TRPM1: variants seen among roughly 807,000 people sequenced by gnomAD.
TRPM1 encodes transient receptor potential cation channel subfamily M member 1, also known as TRPM1-203 APA Isoform, Intron 10.
A neutral mutation model predicts 149.4 loss-of-function variants in TRPM1; 113 were observed. The observed-to-expected ratio is 0.76, with a 90% CI of 0.65 to 0.88. The LOEUF (loss-of-function observed/expected upper bound fraction) is 0.88. Ranked by LOEUF, TRPM1 falls within the 40% of genes least tolerant of loss-of-function variation. The pLI is 0.00. For missense variants in TRPM1, 1,976 were observed against 2,038.7 expected, an observed-to-expected ratio of 0.97 and a Z score of 0.59; for synonymous variants, 741 against 759.5, an observed-to-expected ratio of 0.98 and a Z score of 0.40.
chr15:31,142,169 C>T (rs943609089), intron 1 of TRPM1, among the ~76,000 whole-genome samples: 2 of 152,034 alleles, frequency 1.3e-5, no homozygotes, highest in African/African-American at 4.8e-5. Flanking sequence ...TTTTGAAATT[C>T]TTTGTAAAAG....
chr15:31,125,721 C>A, intron 1 of TRPM1, among the ~76,000 whole-genome samples: 3 of 78,166 alleles, frequency 3.8e-5, no homozygotes, highest in African/African-American at 5.6e-5. Flanking sequence ...CAGAGCGAGA[C>A]TCCGTCTCAA....
chr15:31,038,091 T>C lies in TRPM1; in HGVS notation c.2392A>G (p.Thr798Ala). 6.2e-7 allele frequency: 1 copy of C among 1,614,178 alleles called. No homozygotes were observed. The highest frequency in any genetic ancestry group is 8.5e-7 in the Non-Finnish European group (1 of 1,179,992). The change falls in exon 19 of 28, where the codon ACA becomes GCA. Residue 798 changes from threonine (T) to alanine (A), a missense_variant. Physicochemically the swap from Thr to Ala is moderately conservative, Grantham distance 58. Around this residue, in one of 3 missense-constraint regions of TRPM1, gnomAD observed 1,332 missense variants for 1,347.1 expected, o/e 0.99. Coordinates refer to ENST00000256552, the MANE Select transcript of TRPM1 (RefSeq NM_001252024.2). ...TTGCCATCCTCATTTTCCTTGGATG[T>C]TTGATACGAGAAATCATCATATGTG... ...FRTYDDFSYQ[T>A]SKENEDGKEK...
At chr15:31,137,080 A>G (rs1475145509) in intron 1 of TRPM1, among the ~76,000 whole-genome samples, 10 of 152,158 alleles carry the variant, frequency 6.6e-5, no homozygotes. Context: ...TATTTTTGGC[A>G]TTTGGAGTAC....
At position 31,002,651 on chromosome 15, in the gene TRPM1, A is replaced by G. The variant is rs1357401529; in HGVS notation, c.4049T>C (p.Leu1350Pro). The G allele has an allele frequency of 1.2e-6, 2 of 1,614,182 alleles. No individual in the cohort carries two copies. The highest frequency in any genetic ancestry group is 2.7e-5 in the African/African-American group (2 of 75,040). ...TGGGGTTGCTGATGTGCTTGTGCCC[A>G]GTGAAAGGTGAAGACTGTTCTGACA... ...PECQNSLHLS[L>P]GTSTSATPDG... is the part of the protein sequence containing the mutation. The change falls in exon 28 of 28, where the codon CTG becomes CCG. Residue 1350 changes from leucine (L) to proline (P), a missense_variant. Physicochemically the swap from Leu to Pro is moderately conservative, Grantham distance 98 (BLOSUM62 -3). Around this residue, in one of 3 missense-constraint regions of TRPM1, gnomAD observed 572 missense variants for 578.9 expected, o/e 0.99. Coordinates refer to ENST00000256552, the MANE Select transcript of TRPM1 (RefSeq NM_001252024.2).
At chr15:31,156,208 A>AG (rs1437089207) in intron 1 of TRPM1, among the ~76,000 whole-genome samples, 1 of 151,030 alleles carries the variant, frequency 6.6e-6, no homozygotes, top group Non-Finnish European at 1.5e-5. Flanking sequence ...AAAAAAAAAA[A>AG]AAAAAAAAAA....
chr15:31,079,567 T>C (rs1023144234), intron 2 of TRPM1, among the ~76,000 whole-genome samples: 4 of 152,232 alleles, frequency 2.6e-5, no homozygotes, highest in Non-Finnish European at 2.9e-5. Context: ...TAACCTGGTG[T>C]CCAAAGTGAC....
At chr15:31,148,808 G>A (rs1425143811) in intron 1 of TRPM1, among the ~76,000 whole-genome samples, 1 of 152,198 alleles carries the variant, frequency 6.6e-6, no homozygotes, top group Non-Finnish European at 1.5e-5. Context: ...CCAGCACACA[G>A]ACACCACCCC....
At chr15:31,047,838 T>G (rs1596015846) in intron 14 of TRPM1, 51 bp downstream of exon 14, 1 of 1,459,104 alleles carries the variant, frequency 6.9e-7, no homozygotes, top group African/African-American at 1.4e-5. Context: ...TCTTAAGAAA[T>G]GATTTTGTGA....
intron 24 of TRPM1, 133 bp from the exon 25 acceptor site, chr15:31,028,609 C>A: frequency 2.5e-6 from 3 of 1,208,234 alleles, no homozygotes; most frequent in Non-Finnish European, 3.5e-6. Context: ...ATATTTTTTC[C>A]ATGGGAAAAA....
At chr15:31,048,648 C>T (rs761144653) in intron 13 of TRPM1, among the ~76,000 whole-genome samples, 11 of 151,990 alleles carry the variant, frequency 7.2e-5, no homozygotes, top group Non-Finnish European at 1.0e-4. Flanking sequence ...CCTGTCTCTA[C>T]AAAATTTTTA....
intron 22 of TRPM1, among the ~76,000 whole-genome samples, chr15:31,031,552 G>A (rs1280130062): frequency 6.6e-6 from 1 of 152,162 alleles, no homozygotes; most frequent in Non-Finnish European, 1.5e-5. Flanking sequence ...TGAATTGAGA[G>A]TATAGACCAA....
rs1566996083 is a variant in TRPM1, at chr15:31,026,192, C to T, written c.3576G>A (p.Lys1192=). 6.2e-7 allele frequency: 1 copy of T among 1,612,522 alleles called. No individual in the cohort carries two copies. Among genetic ancestry groups the T allele is most frequent in the Non-Finnish European group, 8.5e-7 (1 of 1,180,032 alleles). ...EQCVQEHFRE[K]EDEQQSSSDE... ...CGCTGGACGACTGCTGCTCATCCTC[C>T]TTCTCCCGGAAGTGCTCCTGCACGC... is the stretch of plus-strand genomic sequence containing the variant. The change falls in exon 27 of 28, where the codon AAG becomes AAA. Residue 1192 remains lysine (K), a synonymous_variant. Transcript: ENST00000256552.
chr15:31,088,711 A>C (rs144356873), intron 1 of TRPM1, among the ~76,000 whole-genome samples: 1 of 151,600 alleles, frequency 6.6e-6, no homozygotes, highest in East Asian at 1.9e-4. Flanking sequence ...GGGCCGTCGT[A>C]TGAGATTGAC....
At chr15:31,005,855 C>T (rs1244592039) in intron 27 of TRPM1, among the ~76,000 whole-genome samples, 1 of 152,112 alleles carries the variant, frequency 6.6e-6, no homozygotes, top group Non-Finnish European at 1.5e-5. Context: ...ACCTTGACAC[C>T]CACACAAAGA....
At chr15:31,031,755 C>T (rs930454281) in intron 22 of TRPM1, among the ~76,000 whole-genome samples, 1 of 152,164 alleles carries the variant, frequency 6.6e-6, no homozygotes, top group African/African-American at 2.4e-5. Context: ...TTGCTTTCTT[C>T]TTGTACCAGT....
At chr15:31,074,127 C>T (rs1207621187) in intron 3 of TRPM1, among the ~76,000 whole-genome samples, 1 of 151,986 alleles carries the variant, frequency 6.6e-6, no homozygotes, top group African/African-American at 2.4e-5. Flanking sequence ...TTTCTGCACC[C>T]ATGTTCATAA....
chr15:31,062,692 C>T lies in TRPM1; in HGVS notation c.976G>A (p.Glu326Lys). ...ACTAGAAGCTGCTCCCTGAGGGACT[C>T]ATTTATTATTCTGTTCAAAGAAAAT... ...KYCEEGGIINESLREQLLVTI... is the reference protein window; with the variant it reads ...KYCEEGGIINKSLREQLLVTI... Residue 326 changes from glutamate (E) to lysine (K), a missense_variant, in exon 9 of 28, where the codon GAG becomes AAG. By Grantham distance (56) the Glu-to-Lys change is moderately conservative. This residue lies in a region of TRPM1 where 1,332 missense variants were observed against 1,347.1 expected (regional missense o/e 0.99). Coordinates refer to ENST00000256552, the MANE Select transcript of TRPM1 (RefSeq NM_001252024.2). 6.2e-7 allele frequency: 1 copy of T among 1,613,930 alleles called. No homozygotes were observed. The highest frequency in any genetic ancestry group is 8.5e-7 in the Non-Finnish European group (1 of 1,179,984).
At position 31,067,207 on chromosome 15, in the gene TRPM1, A is replaced by G; in HGVS notation, c.494-20T>C. 1 of 1,614,134 alleles carries G rather than the reference A, an allele frequency of 6.2e-7. No homozygotes were observed. Among genetic ancestry groups the G allele is most frequent in the South Asian group, 1.1e-5 (1 of 91,080 alleles). ...TAACACCTGTGAGCAGCCATTGGTC[A>G]TATTTTAGGCTCTTTTACTTCCCAG... On this transcript the variant is annotated intron_variant, in intron 5 of 27. Transcript: ENST00000256552.
intron 1 of TRPM1, among the ~76,000 whole-genome samples, chr15:31,123,988 T>C (rs558836444): frequency 6.6e-6 from 1 of 152,332 alleles, no homozygotes; most frequent in East Asian, 1.9e-4. Flanking sequence ...TGGAGCATTA[T>C]TCAGTGCTAA....
Sources: allele counts gnomAD v4.1 joint callset (sites outside exome capture counted in the v4.1 genomes callset), GRCh38; gene constraint gnomAD v4.1.1; regional missense constraint gnomAD v4.1.1; transcripts MANE v1.5; gene names NCBI Gene and HGNC (gene_info 2026-07-23, HGNC 2026-07-21).